Variants in SV2C observed in about 807,000 individuals in gnomAD.
The protein encoded by SV2C is solute carrier family 22 member B3.
SV2C carries 49 observed loss-of-function variants against 79.7 expected under a neutral mutation model. The observed-to-expected ratio is 0.61, with a 90% CI of 0.49 to 0.78. The LOEUF (loss-of-function observed/expected upper bound fraction) is 0.78. Ranked by LOEUF, SV2C falls within the 30% of genes least tolerant of loss-of-function variation. SV2C has a pLI of 0.00. For synonymous variants in SV2C, 334 were observed against 333.2 expected (o/e 1.00, Z -0.03); for missense variants, 833 against 912.9 (o/e 0.91, Z 1.13).
chr5:76,168,619 G>C (rs185241238), intron 2 of SV2C, among the ~76,000 whole-genome samples: 1 of 152,258 alleles, frequency 6.6e-6, no homozygotes, highest in Admixed American at 6.5e-5. Context: ...CTCTCTCTCC[G>C]TTCATTTTGC....
At chr5:76,301,028 C>A in intron 11 of SV2C, 96 bp downstream of exon 11, 2 of 1,342,626 alleles carry the variant, frequency 1.5e-6, no homozygotes, top group South Asian at 1.3e-5. Flanking sequence ...GGATTTGCAT[C>A]CAATAAGGAG....
At chr5:76,169,478 C>G (rs1319891535) in intron 2 of SV2C, among the ~76,000 whole-genome samples, 1 of 152,174 alleles carries the variant, frequency 6.6e-6, no homozygotes, top group African/African-American at 2.4e-5. Context: ...TTATCTCAGA[C>G]TTGTCAGTTA....
the SV2C span, among the ~76,000 whole-genome samples, chr5:75,882,041 A>G: frequency 6.7e-6 from 1 of 150,144 alleles, no homozygotes; most frequent in African/African-American, 2.5e-5. Flanking sequence ...CCTTTTCTGC[A>G]TCTATTGAGA....
intron 4 of SV2C, among the ~76,000 whole-genome samples, chr5:76,210,959 A>G (rs926683248): frequency 1.3e-5 from 2 of 152,170 alleles, no homozygotes; most frequent in African/African-American, 4.8e-5. Context: ...CCTCTGTGCT[A>G]TCAATGCTGG....
chr5:76,073,546 C>CAT, the SV2C span, among the ~76,000 whole-genome samples: 1 of 68,766 alleles, frequency 1.5e-5, no homozygotes, highest in African/African-American at 4.9e-5. Context: ...TATATATATA[C>CAT]ACCATGGAAT....
At chr5:75,920,646 G>A in the SV2C span, 55 of 629,878 alleles carry the variant, frequency 8.7e-5, no homozygotes, top group Non-Finnish European at 1.3e-4. Context: ...GTGGTGGGGG[G>A]TGGGTGGGAG....
the SV2C span, among the ~76,000 whole-genome samples, chr5:75,955,253 T>A: frequency 6.7e-6 from 1 of 149,376 alleles, no homozygotes; most frequent in Non-Finnish European, 1.5e-5. Flanking sequence ...TATCTACAAC[T>A]ATCTGATCTT....
the SV2C span, among the ~76,000 whole-genome samples, chr5:75,954,380 T>C: frequency 2.6e-5 from 4 of 152,086 alleles, no homozygotes; most frequent in African/African-American, 9.6e-5. Context: ...ATAGTTCTTA[T>C]TATTTTGAAA....
At chr5:76,116,634 A>G (rs1181343696) in intron 1 of SV2C, among the ~76,000 whole-genome samples, 1 of 152,160 alleles carries the variant, frequency 6.6e-6, no homozygotes, top group Non-Finnish European at 1.5e-5. Flanking sequence ...ACATTCACAG[A>G]TGGTCCCTTT....
chr5:76,072,364 A>C, the SV2C span, among the ~76,000 whole-genome samples: 7 of 152,340 alleles, frequency 4.6e-5, no homozygotes, highest in East Asian at 1.3e-3. Context: ...ATTGTAGAAA[A>C]TGTGATGTCC....
At chr5:76,042,774 A>G in the SV2C span, among the ~76,000 whole-genome samples, 16 of 152,150 alleles carry the variant, frequency 1.1e-4, no homozygotes, top group African/African-American at 3.9e-4. Flanking sequence ...CTCAAGCCCT[A>G]CCTCAGTACT....
At chr5:76,075,131 T>C in the SV2C span, among the ~76,000 whole-genome samples, 4 of 152,160 alleles carry the variant, frequency 2.6e-5, no homozygotes, top group Non-Finnish European at 5.9e-5. Context: ...TTCACTTGAC[T>C]CTTACATCCT....
chr5:75,942,440 C>T, the SV2C span, among the ~76,000 whole-genome samples: 1 of 152,134 alleles, frequency 6.6e-6, no homozygotes, highest in Non-Finnish European at 1.5e-5. Flanking sequence ...CCATGTTAGA[C>T]CATGAGACAG....
the SV2C span, among the ~76,000 whole-genome samples, chr5:75,881,783 C>T: frequency 2.0e-5 from 3 of 150,096 alleles, no homozygotes; most frequent in Non-Finnish European, 4.4e-5. Flanking sequence ...ATTGAATAGC[C>T]TTTATTTCCT....
chr5:76,025,652 T>C, the SV2C span, among the ~76,000 whole-genome samples: 1 of 152,334 alleles, frequency 6.6e-6, no homozygotes, highest in Non-Finnish European at 1.5e-5. Context: ...TATGCATGAT[T>C]TGCAGCACTG....
chr5:75,892,890 T>A, the SV2C span, among the ~76,000 whole-genome samples: 4 of 152,090 alleles, frequency 2.6e-5, no homozygotes, highest in African/African-American at 9.7e-5. Flanking sequence ...AACATATGAG[T>A]GCATGTGTCT....
the SV2C span, among the ~76,000 whole-genome samples, chr5:76,052,224 A>G: frequency 6.6e-6 from 1 of 152,186 alleles, no homozygotes; most frequent in Non-Finnish European, 1.5e-5. Context: ...TTTTTCTAAA[A>G]CATTAGAGTT....
the SV2C span, among the ~76,000 whole-genome samples, chr5:75,882,530 T>G: frequency 6.6e-6 from 1 of 152,108 alleles, no homozygotes; most frequent in Non-Finnish European, 1.5e-5. Context: ...CAAAACAGCA[T>G]GGTACTGGTA....
intron 1 of SV2C, among the ~76,000 whole-genome samples, chr5:76,118,574 CT>C (rs1748363527): frequency 6.6e-6 from 1 of 152,090 alleles, no homozygotes. Context: ...CTAATCTCAA[CT>C]GATATTTTCC....
Sources: gnomAD v4.1 joint callset for allele counts (sites outside exome capture counted in the v4.1 genomes callset) on GRCh38, gnomAD v4.1.1 for gene constraint, MANE v1.5 for transcripts, NCBI Gene and HGNC (gene_info 2026-07-23, HGNC 2026-07-21) for gene names.